Variants in CADM2 observed in about 807,000 individuals in gnomAD.
The protein encoded by CADM2 is cell adhesion molecule 2.
In CADM2, 12 loss-of-function variants were observed where a neutral mutation model predicts 49.8. That is an observed-to-expected ratio of 0.24 (90% CI 0.15 to 0.39). The LOEUF is 0.39. CADM2 is among the 10% of genes least tolerant of loss of function. The pLI is 1.00. For synonymous variants in CADM2, 214 were observed against 175.4 expected, an observed-to-expected ratio of 1.22 and a Z score of -1.74; for missense variants, 378 against 492.3, an observed-to-expected ratio of 0.77 and a Z score of 2.20.
At position 85,008,956 on chromosome 3, in the gene CADM2, C is replaced by T. The variant is rs1341068043; in HGVS notation, c.61+49288C>T. On this transcript the variant is annotated intron_variant, in intron 1 of 9. Transcript: ENST00000383699. The stretch of plus-strand genomic sequence containing the variant: ...CAAGAAAAAGAACAAAAGTGAGGAT[C>T]AGGGAAAAGTGAATATAAAGGTACT... Among the ~76,000 whole-genome samples, 3 of 152,094 alleles carry T rather than the reference C, an allele frequency of 2.0e-5. No homozygotes were observed. In the East Asian group the frequency reaches 5.8e-4, roughly 29 times the overall value.
At chr3:85,544,300 C>A (rs1576765982) in intron 1 of CADM2, among the ~76,000 whole-genome samples, 1 of 152,086 alleles carries the variant, frequency 6.6e-6, no homozygotes, top group African/African-American at 2.4e-5. Flanking sequence ...AAGAGGAGGC[C>A]GGGCGCGGTT....
At chr3:85,146,175 C>G (rs889245905) in intron 1 of CADM2, among the ~76,000 whole-genome samples, 1 of 152,146 alleles carries the variant, frequency 6.6e-6, no homozygotes, top group South Asian at 2.1e-4. Context: ...CTGCTAATAA[C>G]TAGACTTGGC....
At chr3:85,173,821 T>TA (rs2040702240) in intron 1 of CADM2, among the ~76,000 whole-genome samples, 1 of 152,214 alleles carries the variant, frequency 6.6e-6, no homozygotes, top group East Asian at 1.9e-4. Context: ...TATCCATACC[T>TA]ACGTGTCTTA....
At chr3:85,090,688 G>A (rs1247364711) in intron 1 of CADM2, among the ~76,000 whole-genome samples, 4 of 152,248 alleles carry the variant, frequency 2.6e-5, no homozygotes, top group African/African-American at 9.6e-5. Flanking sequence ...TAGGAGGTGA[G>A]TGGCGGGCCA....
chr3:85,871,400 T>C (rs367713480), intron 3 of CADM2, among the ~76,000 whole-genome samples: 2 of 152,134 alleles, frequency 1.3e-5, no homozygotes, highest in African/African-American at 4.8e-5. Context: ...TTCTAACAGA[T>C]TGAATATGAG....
chr3:85,515,425 C>CTTTTTTTTTTTT, intron 1 of CADM2, among the ~76,000 whole-genome samples: 1 of 141,714 alleles, frequency 7.1e-6, no homozygotes, highest in Admixed American at 7.1e-5. Context: ...TTGTTTGTTT[C>CTTTTTTTTTTTT]TTTTTTTTTT....
At chr3:85,619,079 G>A (rs951175080) in intron 1 of CADM2, among the ~76,000 whole-genome samples, 1 of 151,692 alleles carries the variant, frequency 6.6e-6, no homozygotes, top group Non-Finnish European at 1.5e-5. Context: ...ACACAGTTAT[G>A]CAATTATGAA....
chr3:85,558,022 TCCTTTTTA>T (rs1347455118), intron 1 of CADM2, among the ~76,000 whole-genome samples: 11 of 152,130 alleles, frequency 7.2e-5, no homozygotes, highest in Admixed American at 5.2e-4. Context: ...CAGGTAATTC[TCCTTTTTA>T]CTTGTCTTCC....
chr3:85,402,421 T>C (rs1206180720), intron 1 of CADM2, among the ~76,000 whole-genome samples: 5 of 152,150 alleles, frequency 3.3e-5, no homozygotes, highest in Non-Finnish European at 5.9e-5. Flanking sequence ...TCACATATAT[T>C]TATTAGTTAC....
At chr3:85,682,171 AC>A (rs2066056996) in intron 1 of CADM2, among the ~76,000 whole-genome samples, 6 of 152,132 alleles carry the variant, frequency 3.9e-5, no homozygotes, top group Admixed American at 3.9e-4. Context: ...ATACCCTCTG[AC>A]CATCACAAGA....
intron 1 of CADM2, among the ~76,000 whole-genome samples, chr3:85,134,235 C>T (rs1412346246): frequency 6.6e-6 from 1 of 152,200 alleles, no homozygotes; most frequent in Non-Finnish European, 1.5e-5. Flanking sequence ...TTCCCGCTCG[C>T]GCGTCTCCCT....
At chr3:85,084,135 C>T (rs969249654) in intron 1 of CADM2, among the ~76,000 whole-genome samples, 1 of 152,112 alleles carries the variant, frequency 6.6e-6, no homozygotes, top group Admixed American at 6.6e-5. Context: ...TGCTTTCTGA[C>T]TTCCTTAGGC....
intron 1 of CADM2, among the ~76,000 whole-genome samples, chr3:85,689,237 GGAA>G (rs2066309524): frequency 6.6e-6 from 1 of 152,122 alleles, no homozygotes; most frequent in Non-Finnish European, 1.5e-5. Flanking sequence ...AACGATCACG[GGAA>G]CCTGTGGATG....
At chr3:85,308,825 C>A (rs1310546775) in intron 1 of CADM2, among the ~76,000 whole-genome samples, 1 of 152,042 alleles carries the variant, frequency 6.6e-6, no homozygotes, top group Non-Finnish European at 1.5e-5. Context: ...TATTGATTTA[C>A]CCTACCAAGT....
At chr3:85,900,427 A>G (rs1253907385) in intron 5 of CADM2, among the ~76,000 whole-genome samples, 3 of 152,170 alleles carry the variant, frequency 2.0e-5, no homozygotes, top group African/African-American at 7.2e-5. Flanking sequence ...GAGGTTAGAC[A>G]TTATTTTGCT....
At chr3:85,437,472 T>C (rs1336521206) in intron 1 of CADM2, among the ~76,000 whole-genome samples, 1 of 152,078 alleles carries the variant, frequency 6.6e-6, no homozygotes, top group African/African-American at 2.4e-5. Context: ...CCATCAGCAT[T>C]GAATGAGTGT....
In CADM2 at chr3:85,514,290, C is replaced by A. The variant is rs558705504; in HGVS notation, c.62-212232C>A. On this transcript the variant is annotated intron_variant, in intron 1 of 9. Coordinates refer to ENST00000383699, the MANE Select transcript of CADM2 (RefSeq NM_001167675.2). ...GACAGACACTACTGTTTATTTGATT[C>A]TCTATTCACGTTTTGTAATATGCCT... 2.6e-5 allele frequency among the ~76,000 whole-genome samples: 4 copies of A among 152,086 alleles called. No homozygotes were observed. In the East Asian group the frequency reaches 7.7e-4, roughly 29 times the overall value.
chr3:85,383,179 T>C (rs2034000659), intron 1 of CADM2, among the ~76,000 whole-genome samples: 1 of 152,130 alleles, frequency 6.6e-6, no homozygotes. Flanking sequence ...GTCACTTTCC[T>C]TTTGTTGTGT....
intron 1 of CADM2, among the ~76,000 whole-genome samples, chr3:85,228,202 A>G (rs1253061498): frequency 6.6e-6 from 1 of 152,010 alleles, no homozygotes; most frequent in Non-Finnish European, 1.5e-5. Flanking sequence ...TCTCCTGGAT[A>G]ATATTCTGTA....
Sources: gnomAD v4.1 joint callset for allele counts (sites outside exome capture counted in the v4.1 genomes callset) on GRCh38, gnomAD v4.1.1 for gene constraint, MANE v1.5 for transcripts, NCBI Gene and HGNC (gene_info 2026-07-23, HGNC 2026-07-21) for gene names.